COL21A1: variants seen among roughly 807,000 people sequenced by gnomAD.
The protein encoded by COL21A1 is collagen type XXI alpha 1 chain, also known as collagen alpha-1(XXI) chain.
A neutral mutation model predicts 137.9 loss-of-function variants in COL21A1; 149 were observed. The observed-to-expected ratio is 1.08, with a 90% CI of 0.95 to 1.24. COL21A1 has a LOEUF of 1.24. Among genes scored for constraint, COL21A1 ranks in the 50% most tolerant of loss-of-function variants. COL21A1 has a pLI of 0.00. For synonymous variants in COL21A1, 456 were observed against 391.5 expected (o/e 1.16, Z -1.95); for missense variants, 1,167 against 1,158.4 (o/e 1.01, Z -0.11).
intron 1 of COL21A1, among the ~76,000 whole-genome samples, chr6:56,364,520 T>A (rs567276256): frequency 6.6e-6 from 1 of 152,272 alleles, no homozygotes; most frequent in Admixed American, 6.5e-5. Flanking sequence ...AAATCCAACT[T>A]ATCTCCATCC....
intron 1 of COL21A1, among the ~76,000 whole-genome samples, chr6:56,206,698 A>G (rs1301366395): frequency 2.9e-4 from 2 of 6,804 alleles, no homozygotes. Flanking sequence ...AAATAAATAA[A>G]TATATATATA....
intron 6 of COL21A1, among the ~76,000 whole-genome samples, chr6:56,167,677 G>A (rs779321947): frequency 3.3e-5 from 5 of 152,110 alleles, no homozygotes; most frequent in Non-Finnish European, 5.9e-5. Context: ...GGTATAATTT[G>A]AACATACCAC....
At chr6:56,315,609 G>A (rs777883451) in intron 1 of COL21A1, among the ~76,000 whole-genome samples, 1 of 147,946 alleles carries the variant, frequency 6.8e-6, no homozygotes, top group Non-Finnish European at 1.5e-5. Flanking sequence ...CTTCCTTTGA[G>A]ACTTTTCTCT....
rs1246960208 is a variant in COL21A1 at position 56,182,661 on chromosome 6, G to C, written c.-38-5C>G. ...AATATTTTGGTTTTAGGATTCCTAG[G>C]GGGAAAAAAAAGGCAAGTTAAATAT... On this transcript the variant is annotated splice_region_variant and splice_polypyrimidine_tract_variant and intron_variant, in intron 1 of 29. Coordinates refer to ENST00000244728, the MANE Select transcript of COL21A1 (RefSeq NM_030820.4). 49 of 1,344,448 alleles carry C rather than the reference G, an allele frequency of 3.6e-5. No individual in the cohort carries two copies. The highest frequency in any genetic ancestry group is 5.0e-5 in the Non-Finnish European group (48 of 962,952). 83.3% of individuals were successfully genotyped at this position (1,344,448 alleles called of 1,614,324 possible). A position where few individuals can be genotyped will look rare whatever the true frequency, so the allele number is the denominator to read the frequency against.
chr6:56,153,269 T>G (rs1355936421), intron 10 of COL21A1, among the ~76,000 whole-genome samples: 1 of 152,148 alleles, frequency 6.6e-6, no homozygotes, highest in African/African-American at 2.4e-5. Flanking sequence ...CTTAGCTATT[T>G]CAGTGCTATC....
At chr6:56,346,227 C>T (rs1231613886) in intron 1 of COL21A1, among the ~76,000 whole-genome samples, 2 of 152,200 alleles carry the variant, frequency 1.3e-5, no homozygotes, top group East Asian at 1.9e-4. Context: ...TCAATAACTA[C>T]ACCCCCACCA....
intron 1 of COL21A1, among the ~76,000 whole-genome samples, chr6:56,237,923 G>A (rs1782017529): frequency 1.3e-5 from 2 of 152,156 alleles, no homozygotes; most frequent in African/African-American, 4.8e-5. Flanking sequence ...ATTCTATAAA[G>A]CCTCAGTTCA....
At chr6:56,171,264 A>G in intron 3 of COL21A1, 136 bp from the exon 4 acceptor site, 1 of 473,678 alleles carries the variant, frequency 2.1e-6, no homozygotes, top group Non-Finnish European at 3.6e-6. Flanking sequence ...ACAAATGTAT[A>G]GTATATAAAT....
intron 10 of COL21A1, among the ~76,000 whole-genome samples, chr6:56,154,314 C>A (rs1423238115): frequency 2.0e-5 from 3 of 152,102 alleles, no homozygotes; most frequent in Admixed American, 6.5e-5. Context: ...GCCAAATAAA[C>A]CTTTCTTTAT....
rs185610253 is a variant in COL21A1 at position 56,212,698 on chromosome 6, C to T, written c.-38-30042G>A. Among the ~76,000 whole-genome samples, 16 of 151,930 alleles carry T rather than the reference C, an allele frequency of 1.1e-4. No homozygotes were observed. In the East Asian group the frequency reaches 2.5e-3, roughly 24 times the overall value. ...GGAAAAGGCACAGAAAAATAGGTAA[C>T]GAATTGATACAGAGCATCATTTTCA... On this transcript the variant is annotated intron_variant, in intron 1 of 29. Transcript: ENST00000244728.
At chr6:56,067,390 A>C in intron 22 of COL21A1, 60 bp from the exon 23 acceptor site, 1 of 1,468,020 alleles carries the variant, frequency 6.8e-7, no homozygotes, top group Non-Finnish European at 9.4e-7. Flanking sequence ...GTTTCAAATA[A>C]ACATATATTT....
At chr6:56,299,761 A>G (rs527280454) in intron 1 of COL21A1, among the ~76,000 whole-genome samples, 3 of 152,120 alleles carry the variant, frequency 2.0e-5, no homozygotes, top group African/African-American at 7.2e-5. Context: ...ATATTCCCTA[A>G]TCCCAGAAGG....
chr6:56,337,225 T>G (rs1765348968), intron 1 of COL21A1, among the ~76,000 whole-genome samples: 1 of 152,174 alleles, frequency 6.6e-6, no homozygotes, highest in South Asian at 2.1e-4. Context: ...TAATTTAGAA[T>G]GGGTATCTGA....
chr6:56,301,427 C>G (rs182656748), intron 1 of COL21A1, among the ~76,000 whole-genome samples: 6 of 152,134 alleles, frequency 3.9e-5, no homozygotes, highest in Admixed American at 3.3e-4. Flanking sequence ...TACATTTCTA[C>G]CAATACCTTG....
At chr6:56,309,592 AG>A (rs1224648497) in intron 1 of COL21A1, among the ~76,000 whole-genome samples, 2 of 152,088 alleles carry the variant, frequency 1.3e-5, no homozygotes, top group South Asian at 4.2e-4. Context: ...AGGTACTCCC[AG>A]GGGGGCAGTG....
At chr6:56,231,301 T>TA (rs537664285) in intron 1 of COL21A1, among the ~76,000 whole-genome samples, 73 of 151,936 alleles carry the variant, frequency 4.8e-4, no homozygotes, top group Non-Finnish European at 8.4e-4. Context: ...GGAAAAATGA[T>TA]AAACATCCTG....
chr6:56,161,658 A>G (rs1455730879), intron 9 of COL21A1, among the ~76,000 whole-genome samples: 1 of 152,196 alleles, frequency 6.6e-6, no homozygotes, highest in Admixed American at 6.5e-5. Flanking sequence ...ATCATTCCCT[A>G]TGTTTATCAT....
At chr6:56,084,146 T>C (rs1768018834) in intron 17 of COL21A1, among the ~76,000 whole-genome samples, 1 of 151,888 alleles carries the variant, frequency 6.6e-6, no homozygotes, top group South Asian at 2.1e-4. Flanking sequence ...CCATAATTTA[T>C]ATTTTAAACC....
rs963897614 is a variant in COL21A1, at chr6:56,074,274, T to C, written c.1923A>G (p.Gly641=). The change falls in exon 20 of 30, where the codon GGA becomes GGG. Residue 641 remains glycine, a synonymous_variant. Coordinates refer to ENST00000244728, the MANE Select transcript of COL21A1 (RefSeq NM_030820.4). ...KGAPGMPGLM[G]SNGSPGQPGT... Reference sequence around the variant, plus strand: ...CAGGCTGGCCTGGTGAGCCATTGCTTCCCATTAAACCCTACAATTTTAAAA... The same window carrying C: ...CAGGCTGGCCTGGTGAGCCATTGCTCCCCATTAAACCCTACAATTTTAAAA... 2 of 1,593,652 alleles carry C rather than the reference T, an allele frequency of 1.3e-6. No individual in the cohort carries two copies. The highest frequency in any genetic ancestry group is 1.7e-6 in the Non-Finnish European group (2 of 1,169,514).
Sources: allele counts gnomAD v4.1 joint callset (sites outside exome capture counted in the v4.1 genomes callset), GRCh38; gene constraint gnomAD v4.1.1; transcripts MANE v1.5; gene names NCBI Gene and HGNC (gene_info 2026-07-23, HGNC 2026-07-21).